Variants in OCLN observed in about 807,000 individuals in gnomAD.
OCLN encodes the protein occludin.
A neutral mutation model predicts 47.9 loss-of-function variants in OCLN; 21 were observed. The observed-to-expected ratio is 0.44, with a 90% confidence interval of 0.31 to 0.63. OCLN has a LOEUF of 0.63. Among genes scored for constraint, OCLN ranks in the 30% least tolerant of loss-of-function variants. The pLI is 0.08. For missense variants in OCLN, 360 were observed against 571.0 expected (o/e 0.63, Z 3.77); for synonymous variants, 117 against 198.4 (o/e 0.59, Z 3.45).
chr5:69,518,070 T>C (rs1254458050), intron 4 of OCLN, among the ~76,000 whole-genome samples: 2 of 152,234 alleles, frequency 1.3e-5, no homozygotes, highest in African/African-American at 4.8e-5. Flanking sequence ...CATCTGATTT[T>C]ACTGTCATGA....
intron 3 of OCLN, among the ~76,000 whole-genome samples, chr5:69,513,537 T>C (rs1355937364): frequency 6.6e-6 from 1 of 152,240 alleles, no homozygotes; most frequent in African/African-American, 2.4e-5. Flanking sequence ...TGAATACTTT[T>C]GAGAGTAGCA....
At chr5:69,548,132 C>T (rs1027168337) in intron 7 of OCLN, 31 bp downstream of exon 7, 1 of 439,960 alleles carries the variant, frequency 2.3e-6, no homozygotes, top group African/African-American at 2.4e-5. Context: ...ATATATTAAA[C>T]AGAATTTGAA....
rs1311666637 is a variant in OCLN at position 69,554,674 on chromosome 5, T to TA, written c.*1004dup. On this transcript the variant is annotated 3_prime_UTR_variant, in exon 9 of 9. Coordinates refer to ENST00000396442, the MANE Select transcript of OCLN (RefSeq NM_001205254.2). ...ATACTCCTTTGGATGCTGTGCTGGT[T>TA]AGTCGTTTCCCATTCCTTTGGCTGT... 6.6e-6 allele frequency: 1 copy of TA among 151,992 alleles called. No individual in the cohort carries two copies. Among genetic ancestry groups the TA allele is most frequent in the African/African-American group, 2.4e-5 (1 of 41,388 alleles). The allele number at this position is 151,992 out of a possible 1,614,324, so 9.4% of individuals were successfully genotyped here.
At chr5:69,515,529 G>GT (rs1768921593) in intron 4 of OCLN, among the ~76,000 whole-genome samples, 3 of 70,618 alleles carry the variant, frequency 4.2e-5, no homozygotes, top group Non-Finnish European at 1.0e-4. Context: ...CTGGCCGGGC[G>GT]GGGGGCTGAC....
intron 3 of OCLN, 111 bp from the exon 4 acceptor site, chr5:69,513,837 A>G: frequency 1.1e-6 from 1 of 917,762 alleles, no homozygotes; most frequent in Non-Finnish European, 1.8e-6. Flanking sequence ...ATTAAACCAC[A>G]TGGATTTAGT....
chr5:69,500,198 T>C (rs1275708120), intron 1 of OCLN, among the ~76,000 whole-genome samples: 1 of 152,192 alleles, frequency 6.6e-6, no homozygotes, highest in Non-Finnish European at 1.5e-5. Context: ...TTCATTCTTT[T>C]GTGCTAATTG....
At chr5:69,511,241 A>ATTTTTTT (rs56327483) in intron 3 of OCLN, among the ~76,000 whole-genome samples, 1 of 142,710 alleles carries the variant, frequency 7.0e-6, no homozygotes, top group Non-Finnish European at 1.5e-5. Context: ...CGCCCAGCTA[A>ATTTTTTT]TTTTTTTTTT....
intron 4 of OCLN, among the ~76,000 whole-genome samples, chr5:69,532,675 A>G (rs1769463844): frequency 1.3e-5 from 2 of 152,072 alleles, no homozygotes; most frequent in African/African-American, 4.8e-5. Flanking sequence ...TAAAACATAA[A>G]ATCTAACAGT....
At chr5:69,514,852 G>A (rs983869208) in intron 4 of OCLN, among the ~76,000 whole-genome samples, 1 of 152,174 alleles carries the variant, frequency 6.6e-6, no homozygotes, top group Non-Finnish European at 1.5e-5. Context: ...TAGGGTCACC[G>A]ATCAACAGGA....
intron 4 of OCLN, among the ~76,000 whole-genome samples, chr5:69,519,567 T>TAAA (rs1236704563): frequency 3.9e-5 from 6 of 152,246 alleles, no homozygotes; most frequent in Non-Finnish European, 7.3e-5. Context: ...CTCAGATGGA[T>TAAA]ACCAGTTTGT....
rs773592813 is a variant in OCLN at position 69,534,747 on chromosome 5, T to C, written c.945T>C (p.Tyr315=). The C allele has an allele frequency of 8.8e-7, 1 of 1,133,436 alleles. No individual in the cohort carries two copies. Among genetic ancestry groups the C allele is most frequent in the Non-Finnish European group, 1.3e-6 (1 of 782,180 alleles). 70.2% of individuals were successfully genotyped at this position (1,133,436 alleles called of 1,614,324 possible). A position where few individuals can be genotyped will look rare whatever the true frequency, so the allele number is the denominator to read the frequency against. Residue 315 remains tyrosine (Y), a synonymous_variant, in exon 5 of 9, where the codon TAT becomes TAC. Coordinates refer to ENST00000396442, the MANE Select transcript of OCLN (RefSeq NM_001205254.2). Reference sequence around the variant, plus strand: ...ACGTGCCTTCACCCCCATCTGACTATGTGGAAAGAGTTGACAGTCCCATGG... The same window carrying C: ...ACGTGCCTTCACCCCCATCTGACTACGTGGAAAGAGTTGACAGTCCCATGG... ...TQDVPSPPSD[Y]VERVDSPMAY...
intron 1 of OCLN, among the ~76,000 whole-genome samples, chr5:69,494,185 TTGTGTGTGTG>T (rs71787949): frequency 6.6e-6 from 1 of 151,372 alleles, no homozygotes; most frequent in East Asian, 1.9e-4. Flanking sequence ...TATGAGGTGC[TTGTGTGTGTG>T]TGTGTGTGTG....
chr5:69,515,187 C>A (rs962885816), intron 4 of OCLN, among the ~76,000 whole-genome samples: 3 of 135,504 alleles, frequency 2.2e-5, no homozygotes, highest in African/African-American at 8.4e-5. Flanking sequence ...GACGGGGCGG[C>A]TGGCCGGGCA....
chr5:69,511,478 C>T (rs1326318471), intron 3 of OCLN, among the ~76,000 whole-genome samples: 2 of 152,064 alleles, frequency 1.3e-5, no homozygotes, highest in Non-Finnish European at 2.9e-5. Context: ...GTGGTGCAGT[C>T]ACAGCTCACT....
chr5:69,514,696 G>A (rs1201291407), intron 4 of OCLN, among the ~76,000 whole-genome samples: 4 of 152,008 alleles, frequency 2.6e-5, no homozygotes, highest in African/African-American at 9.7e-5. Context: ...TGTGTCCCTG[G>A]GTACTTGAGA....
At chr5:69,522,545 G>T (rs913806149) in intron 4 of OCLN, among the ~76,000 whole-genome samples, 3 of 152,018 alleles carry the variant, frequency 2.0e-5, no homozygotes, top group African/African-American at 7.3e-5. Flanking sequence ...TAGAAGTGTC[G>T]TGCACCCAAT....
In OCLN at chr5:69,531,164, C is replaced by G. The variant is rs77360756; in HGVS notation, c.892-3530C>G. Among the ~76,000 whole-genome samples the G allele has an allele frequency of 7.6e-3, 1,163 of 152,314 alleles. 10 individuals carry two copies. Among genetic ancestry groups the G allele is most frequent in the African/African-American group, 0.026 (1,093 of 41,560 alleles). ...GCAGTCAGATAGTGGTGGCTTAAGCCCAGTCCGCTGCCTACTGAAGTGAGA... is the reference window on the plus strand; with the variant it reads ...GCAGTCAGATAGTGGTGGCTTAAGCGCAGTCCGCTGCCTACTGAAGTGAGA... On this transcript the variant is annotated intron_variant, in intron 4 of 8. Transcript: ENST00000396442.
At chr5:69,507,160 A>G (rs140920381) in intron 2 of OCLN, among the ~76,000 whole-genome samples, 1 of 152,088 alleles carries the variant, frequency 6.6e-6, no homozygotes, top group Admixed American at 6.6e-5. Context: ...TTTGAGACAG[A>G]CTCTCACTTT....
chr5:69,495,387 G>A (rs1244231247), intron 1 of OCLN, among the ~76,000 whole-genome samples: 1 of 152,140 alleles, frequency 6.6e-6, no homozygotes, highest in Non-Finnish European at 1.5e-5. Context: ...AGTGGGGCCT[G>A]GGATTCTGCC....
Sources: gnomAD v4.1 joint callset for allele counts (sites outside exome capture counted in the v4.1 genomes callset) on GRCh38, gnomAD v4.1.1 for gene constraint, MANE v1.5 for transcripts, NCBI Gene and HGNC (gene_info 2026-07-23, HGNC 2026-07-21) for gene names.